The following TYW1B variants were observed in gnomAD, a reference collection of about 807,000 sequenced individuals.
TYW1B encodes S-adenosyl-L-methionine-dependent tRNA 4-demethylwyosine synthase TYW1B.
In TYW1B, 73 loss-of-function variants were observed where a neutral mutation model predicts 86.9. The observed-to-expected ratio is 0.84, with a 90% confidence interval of 0.70 to 1.02. The LOEUF (loss-of-function observed/expected upper bound fraction) is 1.02, where lower values mean the gene tolerates loss of function less well. Among genes scored for constraint, TYW1B ranks in the 50% least tolerant of loss-of-function variants. The pLI, the probability that TYW1B is intolerant of heterozygous loss-of-function variation, is 0.00. For synonymous variants in TYW1B, 248 were observed against 292.8 expected (o/e 0.85, Z 1.56); for missense variants, 637 against 827.4 (o/e 0.77, Z 2.82).
chr7:72,693,154 G>A (rs1188538959), intron 11 of TYW1B, among the ~76,000 whole-genome samples: 3 of 151,994 alleles, frequency 2.0e-5, no homozygotes, highest in Non-Finnish European at 2.9e-5. Flanking sequence ...CACAAAGAAC[G>A]CTTAGAAAAG....
chr7:72,748,480 A>C (rs1240860028), intron 7 of TYW1B, among the ~76,000 whole-genome samples: 3 of 148,190 alleles, frequency 2.0e-5, no homozygotes, highest in Non-Finnish European at 4.5e-5. Context: ...GCTAGAATTT[A>C]CAATACTATG....
intron 11 of TYW1B, among the ~76,000 whole-genome samples, chr7:72,680,664 T>C (rs190952566): frequency 6.6e-5 from 10 of 152,286 alleles, no homozygotes; most frequent in Non-Finnish European, 1.5e-5. Flanking sequence ...TATGTACATC[T>C]ACCCTATTAG....
intron 9 of TYW1B, among the ~76,000 whole-genome samples, chr7:72,725,372 TG>T (rs1437354083): frequency 6.6e-6 from 1 of 152,132 alleles, no homozygotes; most frequent in Non-Finnish European, 1.5e-5. Flanking sequence ...GACTCCAGGA[TG>T]TCCAGGAAAC....
intron 11 of TYW1B, among the ~76,000 whole-genome samples, chr7:72,658,091 T>C (rs1678966743): frequency 1.3e-5 from 2 of 151,658 alleles, no homozygotes; most frequent in African/African-American, 2.4e-5. Context: ...CCGTCTCTAC[T>C]AAAAAAATAC....
intron 6 of TYW1B, among the ~76,000 whole-genome samples, chr7:72,779,297 C>T (rs1788008163): frequency 6.6e-6 from 1 of 152,214 alleles, no homozygotes; most frequent in Admixed American, 6.5e-5. Context: ...ACAAAGGGTA[C>T]CTAGGGGAGG....
At chr7:72,679,508 A>G (rs1813818239) in intron 11 of TYW1B, among the ~76,000 whole-genome samples, 1 of 152,202 alleles carries the variant, frequency 6.6e-6, no homozygotes, top group African/African-American at 2.4e-5. Flanking sequence ...CAAACAAAAG[A>G]AAAACAGGTT....
intron 13 of TYW1B, among the ~76,000 whole-genome samples, chr7:72,600,100 C>T (rs1811626070): frequency 1.3e-5 from 2 of 152,098 alleles, no homozygotes; most frequent in South Asian, 4.1e-4. Flanking sequence ...AGAAGAGTGA[C>T]ACTACTCAGC....
At chr7:72,814,345 G>A (rs1311559938) in intron 3 of TYW1B, among the ~76,000 whole-genome samples, 4 of 152,086 alleles carry the variant, frequency 2.6e-5, no homozygotes, top group African/African-American at 9.7e-5. Context: ...AGCACTTTGG[G>A]AGGCCGAGGC....
intron 7 of TYW1B, among the ~76,000 whole-genome samples, chr7:72,776,265 C>CAA (rs1406564545): frequency 2.6e-5 from 4 of 152,086 alleles, no homozygotes; most frequent in Admixed American, 2.6e-4. Context: ...TAACATCACT[C>CAA]AAAGATATAC....
chr7:72,816,682 GAA>G (rs1554479507), intron 2 of TYW1B, among the ~76,000 whole-genome samples: 1 of 152,158 alleles, frequency 6.6e-6, no homozygotes. Context: ...GAACACTAAG[GAA>G]AGAAGAGGGG....
intron 13 of TYW1B, among the ~76,000 whole-genome samples, chr7:72,593,676 G>A (rs1811454900): frequency 6.6e-6 from 1 of 151,774 alleles, no homozygotes; most frequent in Non-Finnish European, 1.5e-5. Flanking sequence ...CAAAAAATTA[G>A]CAGGGCATGG....
chr7:72,771,284 G>A (rs782749637), intron 7 of TYW1B, among the ~76,000 whole-genome samples: 11 of 151,914 alleles, frequency 7.2e-5, no homozygotes, highest in Non-Finnish European at 1.5e-4. Flanking sequence ...TTCTAAAAAG[G>A]CAAAACTAAG....
chr7:72,731,049 C>T (rs777138954), intron 8 of TYW1B, among the ~76,000 whole-genome samples: 26 of 144,170 alleles, frequency 1.8e-4, no homozygotes, highest in South Asian at 2.3e-4. Flanking sequence ...AGGAAACCTC[C>T]ATAAGAATAA....
At chr7:72,824,834 T>G (rs1287096169) in intron 2 of TYW1B, among the ~76,000 whole-genome samples, 1 of 152,052 alleles carries the variant, frequency 6.6e-6, no homozygotes, top group Non-Finnish European at 1.5e-5. Context: ...CTGGGCACGG[T>G]GGCTCACGAC....
intron 9 of TYW1B, among the ~76,000 whole-genome samples, chr7:72,716,782 G>A (rs1415818588): frequency 2.0e-5 from 3 of 150,140 alleles, no homozygotes; most frequent in African/African-American, 7.4e-5. Flanking sequence ...GGGACTACAG[G>A]CACACACCAC....
intron 13 of TYW1B, among the ~76,000 whole-genome samples, chr7:72,607,223 T>C (rs1811820808): frequency 6.6e-6 from 1 of 151,064 alleles, no homozygotes; most frequent in Admixed American, 6.6e-5. Context: ...AGAAACCCCA[T>C]CTCTAATAAA....
chr7:72,754,946 T>C (rs1787561172), intron 7 of TYW1B, among the ~76,000 whole-genome samples: 1 of 152,184 alleles, frequency 6.6e-6, no homozygotes, highest in South Asian at 2.1e-4. Context: ...TATTATATTA[T>C]CCGTAAATTT....
At chr7:72,806,297 G>A (rs1317017088) in intron 5 of TYW1B, among the ~76,000 whole-genome samples, 9 of 148,312 alleles carry the variant, frequency 6.1e-5, no homozygotes, top group African/African-American at 1.7e-4. Context: ...GTGCAGTCGC[G>A]TGATCTCAGA....
In TYW1B at chr7:72,764,674, G is replaced by C. The variant is rs537422602; in HGVS notation, c.964+12742C>G. 2.6e-5 allele frequency among the ~76,000 whole-genome samples: 4 copies of C among 152,224 alleles called. No individual in the cohort carries two copies. In the East Asian group the frequency reaches 5.8e-4, roughly 22 times the overall value. On this transcript the variant is annotated intron_variant, in intron 7 of 13. Coordinates refer to ENST00000620995, the MANE Select transcript of TYW1B (RefSeq NM_001145440.3). Reference sequence around the variant, plus strand: ...TCTAATATATTAAAAAAACTGATTGGTGCATAAAACTGTTAATGGCCAACC... The same window carrying C: ...TCTAATATATTAAAAAAACTGATTGCTGCATAAAACTGTTAATGGCCAACC...
Sources: gnomAD v4.1 joint callset for allele counts (sites outside exome capture counted in the v4.1 genomes callset) on GRCh38, gnomAD v4.1.1 for gene constraint, MANE v1.5 for transcripts, NCBI Gene and HGNC (gene_info 2026-07-23, HGNC 2026-07-21) for gene names.